PCSK1: variants seen among roughly 807,000 people sequenced by gnomAD.
The protein encoded by PCSK1 is proprotein convertase subtilisin/kexin type 1.
In PCSK1, 56 loss-of-function variants were observed where a neutral mutation model predicts 90.6. The observed-to-expected ratio is 0.62, with a 90% confidence interval of 0.50 to 0.77. The LOEUF (loss-of-function observed/expected upper bound fraction) is 0.77, where lower values mean the gene tolerates loss of function less well. Ranked by LOEUF, PCSK1 falls within the 30% of genes least tolerant of loss-of-function variation. PCSK1 has a pLI of 0.00. For synonymous variants in PCSK1, 348 were observed against 342.4 expected, an observed-to-expected ratio of 1.02 and a Z score of -0.18; for missense variants, 801 against 932.6, an observed-to-expected ratio of 0.86 and a Z score of 1.84.
rs570908475 is a variant in PCSK1, at chr5:96,408,151, GA to G, written c.1196+71del. 2,498 of 1,103,264 alleles carry G rather than the reference GA, an allele frequency of 2.3e-3. 55 individuals are homozygous for G. The African/African-American group carries it at 0.035, about 16-fold the overall frequency. 68.3% of individuals were successfully genotyped at this position (1,103,264 alleles called of 1,614,324 possible). ...AATTTCTCCTGTAACCATGTATTCA[GA>G]AAAAAAAGTGTTATTAAAAATAAGG... On this transcript the variant is annotated intron_variant, in intron 9 of 13. Coordinates refer to ENST00000311106, the MANE Select transcript of PCSK1 (RefSeq NM_000439.5).
rs1759979265 is a variant in PCSK1 at position 96,392,560 on chromosome 5, T to C, written c.*441A>G. The C allele has an allele frequency of 5.7e-6, 1 of 174,368 alleles. No homozygotes were observed. The allele number at this position is 174,368 out of a possible 1,614,324, so 10.8% of individuals were successfully genotyped here. On this transcript the variant is annotated 3_prime_UTR_variant, in exon 14 of 14. Coordinates refer to ENST00000311106, the MANE Select transcript of PCSK1 (RefSeq NM_000439.5). ...ACCAAATACTTTCTTGGCATCAAAA[T>C]TTGAAGAACCACATGGACAAGACAG...
intron 5 of PCSK1, among the ~76,000 whole-genome samples, chr5:96,418,212 A>G (rs929841207): frequency 6.6e-6 from 1 of 151,592 alleles, no homozygotes; most frequent in Non-Finnish European, 1.5e-5. Flanking sequence ...GAGAGAAAGA[A>G]AAGTGTTCCT....
At chr5:96,418,772 A>G (rs896370078) in intron 5 of PCSK1, among the ~76,000 whole-genome samples, 2 of 152,174 alleles carry the variant, frequency 1.3e-5, no homozygotes, top group Non-Finnish European at 2.9e-5. Flanking sequence ...AATGATAAGG[A>G]TGCCACCTTT....
At chr5:96,425,285 C>T (rs1045073079) in intron 3 of PCSK1, among the ~76,000 whole-genome samples, 2 of 152,210 alleles carry the variant, frequency 1.3e-5, no homozygotes, top group African/African-American at 2.4e-5. Flanking sequence ...ACAATTTCTT[C>T]GCTCAAGGAT....
intron 2 of PCSK1, among the ~76,000 whole-genome samples, chr5:96,427,712 C>A (rs1761355192): frequency 6.6e-6 from 1 of 152,122 alleles, no homozygotes; most frequent in South Asian, 2.1e-4. Context: ...GTCCAATTTT[C>A]TCCTATGAAA....
At chr5:96,432,460 C>T (rs1408345823) in intron 1 of PCSK1, among the ~76,000 whole-genome samples, 3 of 152,220 alleles carry the variant, frequency 2.0e-5, no homozygotes, top group East Asian at 1.9e-4. Flanking sequence ...CGGCTCCTGA[C>T]GCAGACCGCC....
At chr5:96,428,606 A>G (rs1260395882) in intron 2 of PCSK1, among the ~76,000 whole-genome samples, 1 of 152,210 alleles carries the variant, frequency 6.6e-6, no homozygotes, top group Non-Finnish European at 1.5e-5. Flanking sequence ...AACTAGGATG[A>G]AAAGAGATCA....
chr5:96,408,373 GT>G (rs1269222804), intron 8 of PCSK1, 50 bp from the exon 9 acceptor site: 2 of 1,344,404 alleles, frequency 1.5e-6, no homozygotes, highest in Admixed American at 1.7e-5. Context: ...CGTGAGGAGT[GT>G]GGGCCTGTCT....
At chr5:96,412,752 G>GTTTTGTTTTTTTTTTTT (rs1760801934) in intron 6 of PCSK1, among the ~76,000 whole-genome samples, 1 of 71,832 alleles carries the variant, frequency 1.4e-5, no homozygotes, top group African/African-American at 9.0e-5. Context: ...CAGCTGTGAT[G>GTTTTGTTTTTTTTTTTT]TTTTTTTTTT....
Position 96,423,385 on chromosome 5 carries a change from C to G in PCSK1, c.471G>C (p.Thr157=), listed in dbSNP as rs780582982. 68 of 1,613,852 alleles carry G rather than the reference C, an allele frequency of 4.2e-5. No homozygotes were observed. Among genetic ancestry groups the G allele is most frequent in the Non-Finnish European group, 5.7e-5 (67 of 1,179,908 alleles). Residue 157 remains threonine (T), a synonymous_variant, in exon 4 of 14, where the codon ACG becomes ACC. Transcript: ENST00000311106. ...HVIPVWQKGI[T]GKGVVITVLD... is the part of the protein sequence containing the mutation. ...GTACGGTGATAACAACTCCTTTGCC[C>G]GTAATGCCTTTTTGCCAAACAGGTA...
chr5:96,403,587 C>G (rs1020512793), intron 9 of PCSK1, among the ~76,000 whole-genome samples: 1 of 152,162 alleles, frequency 6.6e-6, no homozygotes, highest in Non-Finnish European at 1.5e-5. Context: ...AATTTTTAAA[C>G]ACTGCATTGA....
At chr5:96,412,565 C>A (rs975260966) in intron 6 of PCSK1, 75 bp from the exon 7 acceptor site, 19 of 1,325,378 alleles carry the variant, frequency 1.4e-5, no homozygotes, top group Non-Finnish European at 1.8e-5. Context: ...AATACTCTTA[C>A]TATTTGTATT....
chr5:96,419,551 A>C (rs2112434614), intron 5 of PCSK1, among the ~76,000 whole-genome samples: 1 of 151,528 alleles, frequency 6.6e-6, no homozygotes, highest in African/African-American at 2.4e-5. Context: ...AATTTCCTCA[A>C]GATCACCCAA....
intron 5 of PCSK1, among the ~76,000 whole-genome samples, chr5:96,417,388 A>C (rs964306338): frequency 6.6e-6 from 1 of 151,860 alleles, no homozygotes; most frequent in Non-Finnish European, 1.5e-5. Context: ...GTATGCTAGC[A>C]TTTTCCTGTT....
rs1420139116 is a variant in PCSK1 at position 96,425,982 on chromosome 5, A to G, written c.286-52T>C. 5.0e-6 allele frequency: 5 copies of G among 1,000,352 alleles called. No homozygotes were observed. In the East Asian group the frequency reaches 1.2e-4, roughly 24 times the overall value. 62.0% of individuals were successfully genotyped at this position (1,000,352 alleles called of 1,614,324 possible). A position where few individuals can be genotyped will look rare whatever the true frequency, so the allele number is the denominator to read the frequency against. On this transcript the variant is annotated intron_variant, in intron 2 of 13. Coordinates refer to ENST00000311106, the MANE Select transcript of PCSK1 (RefSeq NM_000439.5). ...TCAAAAGTCAAATATCTACCTCTGT[A>G]TACTTCCTCTAACTATCTCCAGTAC...
intron 5 of PCSK1, among the ~76,000 whole-genome samples, chr5:96,420,764 G>A (rs1291447127): frequency 6.8e-6 from 1 of 146,538 alleles, no homozygotes; most frequent in African/African-American, 2.6e-5. Context: ...AGGGAGGAAG[G>A]AAGAGAGGGA....
At chr5:96,413,288 G>A (rs1023179166) in intron 6 of PCSK1, among the ~76,000 whole-genome samples, 1 of 152,136 alleles carries the variant, frequency 6.6e-6, no homozygotes, top group Admixed American at 6.5e-5. Flanking sequence ...CCAACAGGCT[G>A]TCACCCGTCA....
chr5:96,413,649 A>C (rs1309462011), intron 6 of PCSK1, among the ~76,000 whole-genome samples: 1 of 151,612 alleles, frequency 6.6e-6, no homozygotes, highest in Non-Finnish European at 1.5e-5. Context: ...AAAATACAAA[A>C]ATTAGTCAGG....
intron 9 of PCSK1, 100 bp downstream of exon 9, chr5:96,408,123 C>T (rs925448463): frequency 1.9e-5 from 16 of 832,060 alleles, no homozygotes; most frequent in Middle Eastern, 2.2e-4. Context: ...TGCAGTATTC[C>T]AAAATTTCTC....
Sources: gnomAD v4.1 joint callset for allele counts (sites outside exome capture counted in the v4.1 genomes callset) on GRCh38, gnomAD v4.1.1 for gene constraint, MANE v1.5 for transcripts, NCBI Gene and HGNC (gene_info 2026-07-23, HGNC 2026-07-21) for gene names.